The following TECRL variants were observed in gnomAD, a reference collection of about 807,000 sequenced individuals.
TECRL encodes trans-2,3-enoyl-CoA reductase like.
TECRL carries 63 observed loss-of-function variants against 52.8 expected under a neutral mutation model. That is an observed-to-expected ratio of 1.19 (90% CI 0.97 to 1.47). TECRL has a LOEUF of 1.47. TECRL is among the 40% of genes most tolerant of loss of function. The pLI is 0.00. For synonymous variants in TECRL, 164 were observed against 141.9 expected, an observed-to-expected ratio of 1.16 and a Z score of -1.10; for missense variants, 482 against 429.6, an observed-to-expected ratio of 1.12 and a Z score of -1.08.
chr4:64,294,942 G>A (rs574437742), intron 8 of TECRL, among the ~76,000 whole-genome samples: 1 of 151,802 alleles, frequency 6.6e-6, no homozygotes, highest in Non-Finnish European at 1.5e-5. Context: ...TATCCACATA[G>A]AATTAAGTGC....
At chr4:64,287,900 A>C (rs113320303) in intron 9 of TECRL, among the ~76,000 whole-genome samples, 203 of 152,264 alleles carry the variant, frequency 1.3e-3, no homozygotes, top group African/African-American at 4.8e-3. Context: ...TAATCCCAGC[A>C]CTTTGGGAGG....
intron 8 of TECRL, among the ~76,000 whole-genome samples, chr4:64,293,570 G>GTA (rs1481766500): frequency 6.6e-6 from 1 of 152,090 alleles, no homozygotes; most frequent in Non-Finnish European, 1.5e-5. Flanking sequence ...GTAACCCGCT[G>GTA]TCATTGTGGA....
intron 8 of TECRL, among the ~76,000 whole-genome samples, chr4:64,295,132 T>A (rs1283259213): frequency 6.6e-6 from 1 of 151,642 alleles, no homozygotes; most frequent in African/African-American, 2.4e-5. Context: ...AAAGATAACA[T>A]GTATTGTGCT....
At chr4:64,296,518 T>C (rs1337155109) in intron 8 of TECRL, among the ~76,000 whole-genome samples, 2 of 151,812 alleles carry the variant, frequency 1.3e-5, no homozygotes, top group East Asian at 1.9e-4. Context: ...CCATATCTTA[T>C]ATGCTATTAT....
intron 1 of TECRL, among the ~76,000 whole-genome samples, chr4:64,381,942 G>C (rs1722821281): frequency 6.6e-6 from 1 of 151,716 alleles, no homozygotes; most frequent in African/African-American, 2.4e-5. Context: ...TCAGGATAAA[G>C]CTGGACAATG....
intron 1 of TECRL, among the ~76,000 whole-genome samples, chr4:64,408,276 C>T (rs1724864241): frequency 6.6e-6 from 1 of 151,788 alleles, no homozygotes; most frequent in African/African-American, 2.4e-5. Flanking sequence ...TTTTAGAACA[C>T]AGCAACAAAA....
intron 9 of TECRL, among the ~76,000 whole-genome samples, chr4:64,284,904 A>C (rs1560469639): frequency 6.6e-6 from 1 of 152,114 alleles, no homozygotes; most frequent in Non-Finnish European, 1.5e-5. Flanking sequence ...TGAGGGAAGA[A>C]TAGTCTGGGA....
At chr4:64,304,260 T>G (rs1417739203) in intron 7 of TECRL, among the ~76,000 whole-genome samples, 1 of 151,906 alleles carries the variant, frequency 6.6e-6, no homozygotes, top group Admixed American at 6.6e-5. Flanking sequence ...TAGGAAATTT[T>G]CACTTTCAAT....
chr4:64,344,388 G>A (rs1719804429), intron 2 of TECRL, among the ~76,000 whole-genome samples: 1 of 151,846 alleles, frequency 6.6e-6, no homozygotes, highest in Admixed American at 6.6e-5. Flanking sequence ...TGATATAGGA[G>A]TCTGAAATTC....
intron 6 of TECRL, among the ~76,000 whole-genome samples, chr4:64,307,897 T>A (rs1216023855): frequency 6.6e-6 from 1 of 152,150 alleles, no homozygotes; most frequent in Non-Finnish European, 1.5e-5. Context: ...AGCAGTACCG[T>A]TGAATGACCT....
chr4:64,401,719 A>T (rs944057351), intron 1 of TECRL, among the ~76,000 whole-genome samples: 2 of 152,194 alleles, frequency 1.3e-5, no homozygotes, highest in Non-Finnish European at 2.9e-5. Context: ...TCAAATGTGT[A>T]CGTCTCTCTT....
chr4:64,366,999 G>C (rs1381720047), intron 2 of TECRL, among the ~76,000 whole-genome samples: 1 of 152,128 alleles, frequency 6.6e-6, no homozygotes, highest in African/African-American at 2.4e-5. Flanking sequence ...CTCATCAACA[G>C]TGGACTGGTT....
intron 9 of TECRL, among the ~76,000 whole-genome samples, chr4:64,282,697 A>G (rs1381736863): frequency 6.6e-6 from 1 of 152,044 alleles, no homozygotes; most frequent in Non-Finnish European, 1.5e-5. Flanking sequence ...GGAATGATCA[A>G]GGGTCTACAA....
chr4:64,309,782 T>C (rs1023502068), intron 6 of TECRL, 44 bp downstream of exon 6: 8 of 1,270,704 alleles, frequency 6.3e-6, no homozygotes, highest in East Asian at 2.3e-5. Context: ...GGATCCAACA[T>C]ATAAAATGTC....
chr4:64,346,802 A>C (rs1720020498), intron 2 of TECRL, among the ~76,000 whole-genome samples: 1 of 152,222 alleles, frequency 6.6e-6, no homozygotes, highest in African/African-American at 2.4e-5. Flanking sequence ...GTACTGCAGC[A>C]CTGGACTGCA....
intron 9 of TECRL, among the ~76,000 whole-genome samples, chr4:64,288,137 G>A (rs1387959776): frequency 3.3e-5 from 5 of 150,806 alleles, no homozygotes; most frequent in Admixed American, 2.0e-4. Context: ...CTACAAGAGC[G>A]AGACTCCATC....
chr4:64,282,644 C>T (rs2348311), intron 9 of TECRL, among the ~76,000 whole-genome samples: 147,085 of 152,042 alleles, frequency 0.97, 71,167 homozygotes, highest in East Asian at 1. Context: ...AAATAGTCTG[C>T]TTTAGAGCCT....
At position 64,368,021 on chromosome 4, in the gene TECRL, T is replaced by C. The variant is rs72640307; in HGVS notation, c.286+7151A>G. Among the ~76,000 whole-genome samples, 548 of 152,162 alleles carry C rather than the reference T, an allele frequency of 3.6e-3. 3 individuals carry two copies. Among genetic ancestry groups the C allele is most frequent in the Non-Finnish European group, 5.4e-3 (365 of 68,026 alleles). On this transcript the variant is annotated intron_variant, in intron 2 of 11. Transcript: ENST00000381210. ...ATTAACCTGGTAGTGTTAATCTCAA[T>C]CTTGAAAGCCACATATACTATGAAA...
chr4:64,314,043 G>A (rs1333653405), intron 5 of TECRL, among the ~76,000 whole-genome samples: 3 of 150,196 alleles, frequency 2.0e-5, no homozygotes, highest in South Asian at 2.1e-4. Context: ...CCAGCTACTC[G>A]GGAGGCTGAG....
Sources: allele counts gnomAD v4.1 joint callset (sites outside exome capture counted in the v4.1 genomes callset), GRCh38; gene constraint gnomAD v4.1.1; transcripts MANE v1.5; gene names NCBI Gene and HGNC (gene_info 2026-07-23, HGNC 2026-07-21).